Variants in C16orf96 observed in about 807,000 individuals in gnomAD.
The protein encoded by C16orf96 is uncharacterized protein C16orf96.
A neutral mutation model predicts 103.6 loss-of-function variants in C16orf96; 108 were observed. The ratio of observed to expected loss-of-function variants is 1.04; its 90% confidence interval spans 0.89 to 1.22. The LOEUF is 1.22. C16orf96 is among the 50% of genes most tolerant of loss of function. The probability of loss-of-function intolerance (pLI) is 0.00; values close to 1 mark genes in which losing one functional copy is unlikely to be tolerated. For synonymous variants in C16orf96, 566 were observed against 593.5 expected (o/e 0.95, Z 0.67); for missense variants, 1,586 against 1,464.2 (o/e 1.08, Z -1.36).
At chr16:4,590,469 G>C (rs536709969) in intron 9 of C16orf96, among the ~76,000 whole-genome samples, 2 of 151,810 alleles carry the variant, frequency 1.3e-5, no homozygotes, top group Admixed American at 1.3e-4. Context: ...GAGGCAAGGA[G>C]AATCGCTTGA....
intron 2 of C16orf96, 31 bp downstream of exon 2, chr16:4,571,696 G>T (rs1161464771): frequency 1.3e-6 from 2 of 1,522,122 alleles, no homozygotes; most frequent in African/African-American, 1.4e-5. Context: ...CTCCATGCCA[G>T]CTGCGTTGCT....
intron 1 of C16orf96, among the ~76,000 whole-genome samples, chr16:4,570,224 C>G (rs138409237): frequency 6.6e-6 from 1 of 152,102 alleles, no homozygotes; most frequent in Admixed American, 6.6e-5. Context: ...GCTGATAATT[C>G]GGAATAAATT....
intron 1 of C16orf96, among the ~76,000 whole-genome samples, chr16:4,569,960 G>T (rs1454045266): frequency 6.6e-6 from 1 of 152,142 alleles, no homozygotes; most frequent in Non-Finnish European, 1.5e-5. Context: ...CAACTCAGCT[G>T]CCCAGTAGAT....
At chr16:4,560,203 T>C (rs1320068716) in intron 1 of C16orf96, 1 of 151,794 alleles carries the variant, frequency 6.6e-6, no homozygotes, top group East Asian at 1.9e-4. Context: ...TGCATTTTTA[T>C]ATATATGTTT....
chr16:4,594,070 G>A (rs900606742), intron 12 of C16orf96, among the ~76,000 whole-genome samples: 1 of 152,188 alleles, frequency 6.6e-6, no homozygotes, highest in African/African-American at 2.4e-5. Context: ...TCCCTCCCTG[G>A]CTCCTTGAGA....
chr16:4,546,454 G>A, the C16orf96 span, among the ~76,000 whole-genome samples: 1 of 123,114 alleles, frequency 8.1e-6, no homozygotes, highest in Non-Finnish European at 1.8e-5. Flanking sequence ...CACCGCGCCC[G>A]GACTTTTTTT....
chr16:4,594,082 C>G (rs1247536486), intron 12 of C16orf96, among the ~76,000 whole-genome samples: 1 of 152,170 alleles, frequency 6.6e-6, no homozygotes, highest in Non-Finnish European at 1.5e-5. Context: ...TCCTTGAGAT[C>G]AAGAGATTAG....
intron 1 of C16orf96, chr16:4,561,324 A>G (rs1177297513): frequency 6.6e-6 from 1 of 152,218 alleles, no homozygotes. Flanking sequence ...ATTAAAAAAT[A>G]ACAAAAGATA....
At chr16:4,586,998 G>T (rs1896942081) in intron 7 of C16orf96, 41 bp from the exon 8 acceptor site, 10 of 1,523,426 alleles carry the variant, frequency 6.6e-6, no homozygotes, top group Non-Finnish European at 8.9e-6. Flanking sequence ...TATCCTCAAG[G>T]CTCTCCAGGA....
chr16:4,568,416 A>G lies in C16orf96; in HGVS notation c.421-3145A>G, dbSNP rs191910008. ...CTGTTATGTCTAGTTGGTTTATACT[A>G]TTGTTCAAATCTTCTCTTTTCTTGC... On this transcript the variant is annotated intron_variant, in intron 1 of 15. Coordinates refer to ENST00000444310, the MANE Select transcript of C16orf96 (RefSeq NM_001145011.2). 5.9e-4 allele frequency among the ~76,000 whole-genome samples: 89 copies of G among 151,808 alleles called. 1 individual carries two copies. In the Middle Eastern group the frequency reaches 0.01, roughly 17 times the overall value.
Position 4,588,577 on chromosome 16 carries a change from G to A in C16orf96, c.2592+246G>A, listed in dbSNP as rs562895021. On this transcript the variant is annotated intron_variant, in intron 9 of 15. Transcript: ENST00000444310. ...AAGAGATTCCCTCACATGGCTGTTG[G>A]TAACACTCTTCAGTTCCTCATCCCA... 3.3e-5 allele frequency among the ~76,000 whole-genome samples: 5 copies of A among 152,248 alleles called. No homozygotes were observed. The South Asian group carries it at 1.0e-3, about 32-fold the overall frequency.
chr16:4,567,280 C>CTTTTTTT (rs71139642), intron 1 of C16orf96, among the ~76,000 whole-genome samples: 19 of 62,588 alleles, frequency 3.0e-4, no homozygotes, highest in South Asian at 7.2e-4. Context: ...TATTTCTTTT[C>CTTTTTTT]TTTTTTTTTT....
upstream of C16orf96, among the ~76,000 whole-genome samples, chr16:4,552,755 C>G (rs554084526): frequency 5.9e-5 from 9 of 152,226 alleles, no homozygotes; most frequent in African/African-American, 1.4e-4. Flanking sequence ...AACAGTTTTC[C>G]AAAGTCTGCT....
chr16:4,558,124 T>C (rs990300609), intron 1 of C16orf96, among the ~76,000 whole-genome samples: 13 of 152,304 alleles, frequency 8.5e-5, no homozygotes, highest in Admixed American at 7.8e-4. Context: ...CAAAGAGGCA[T>C]TCCTTCTGCC....
intron 1 of C16orf96, among the ~76,000 whole-genome samples, chr16:4,569,488 C>A (rs991442802): frequency 6.6e-6 from 1 of 152,012 alleles, no homozygotes; most frequent in Non-Finnish European, 1.5e-5. Context: ...TGAGTTGGCT[C>A]ATGCCTGTAA....
upstream of C16orf96, among the ~76,000 whole-genome samples, chr16:4,554,608 G>C (rs543028048): frequency 6.6e-6 from 1 of 151,988 alleles, no homozygotes; most frequent in East Asian, 2.0e-4. Context: ...GCCCGCCTCG[G>C]CCTCCCAAAG....
At chr16:4,571,768 G>A (rs1350309462) in intron 2 of C16orf96, 103 bp downstream of exon 2, 1 of 1,018,534 alleles carries the variant, frequency 9.8e-7, no homozygotes, top group Non-Finnish European at 1.4e-6. Context: ...GGCCAAGAGT[G>A]CAGCTGTGAG....
chr16:4,547,689 C>CTTCT, the C16orf96 span, among the ~76,000 whole-genome samples: 606 of 22,566 alleles, frequency 0.027, 29 homozygotes, highest in African/African-American at 0.059. Context: ...TCCTTCCTTC[C>CTTCT]TTCTTTCTTT....
At chr16:4,551,341 A>G (rs775070546), upstream of C16orf96, among the ~76,000 whole-genome samples, 1 of 151,692 alleles carries the variant, frequency 6.6e-6, no homozygotes, top group Non-Finnish European at 1.5e-5. Context: ...CAGCGTGCCC[A>G]CTCCCCTACA....
Sources: gnomAD v4.1 joint callset for allele counts (sites outside exome capture counted in the v4.1 genomes callset) on GRCh38, gnomAD v4.1.1 for gene constraint, MANE v1.5 for transcripts, NCBI Gene and HGNC (gene_info 2026-07-23, HGNC 2026-07-21) for gene names.